The following KCNJ6 variants were observed in gnomAD, a reference collection of about 807,000 sequenced individuals.
The protein encoded by KCNJ6 is G protein-activated inward rectifier potassium channel 2.
Under a neutral mutation model 34.2 loss-of-function variants are expected in KCNJ6, and 9 were observed. The ratio of observed to expected loss-of-function variants is 0.26; its 90% CI spans 0.16 to 0.46. KCNJ6 has a LOEUF of 0.46. KCNJ6 is among the 20% of genes least tolerant of loss of function. The pLI is 1.00. For synonymous variants in KCNJ6, 196 were observed against 207.1 expected (o/e 0.95, Z 0.46); for missense variants, 236 against 531.3 (o/e 0.44, Z 5.46).
rs2054258056 is a variant in KCNJ6, at chr21:37,614,645, CACGT to C, written c.*10510_*10513del. On this transcript the variant is annotated 3_prime_UTR_variant, in exon 4 of 4. Transcript: ENST00000609713. ...GTATGCATATGTCTGTGTGTGTATGCACGTGTGTGTATGCATGTGTCTCTGTGTA... is the reference window on the plus strand; with the variant it reads ...GTATGCATATGTCTGTGTGTGTATGCGTGTGTATGCATGTGTCTCTGTGTA... 1 of 81,286 alleles carries C rather than the reference CACGT, an allele frequency of 1.2e-5. No individual in the cohort carries two copies. The highest frequency in any genetic ancestry group is 2.5e-5 in the Non-Finnish European group (1 of 40,000). The allele number at this position is 81,286 out of a possible 1,614,324, so 5.0% of individuals were successfully genotyped here. A position where few individuals can be genotyped will look rare whatever the true frequency, so the allele number is the denominator to read the frequency against.
intron 3 of KCNJ6, among the ~76,000 whole-genome samples, chr21:37,657,523 C>A (rs59210357): frequency 0.15 from 23,450 of 151,978 alleles, 2,894 homozygotes; most frequent in African/African-American, 0.34. Flanking sequence ...CCTGCTCTTC[C>A]TTAGTAGCAC....
intron 3 of KCNJ6, among the ~76,000 whole-genome samples, chr21:37,633,631 C>A (rs1158487287): frequency 1.3e-5 from 2 of 152,048 alleles, no homozygotes; most frequent in African/African-American, 2.4e-5. Flanking sequence ...ATTTAAAAAT[C>A]TATGCAGAAA....
At position 37,615,124 on chromosome 21, in the gene KCNJ6, G is replaced by A. The variant is rs2054261474; in HGVS notation, c.*10035C>T. 1 of 152,122 alleles carries A rather than the reference G, an allele frequency of 6.6e-6. No individual in the cohort carries two copies. The highest frequency in any genetic ancestry group is 2.1e-4 in the South Asian group (1 of 4,830). 9.4% of individuals were successfully genotyped at this position (152,122 alleles called of 1,614,324 possible). The stretch of plus-strand genomic sequence containing the variant: ...CCATGAGACACAGCAAGCTGACCAG[G>A]TAAACTATGGACCCTGGGATCTTGT... On this transcript the variant is annotated 3_prime_UTR_variant, in exon 4 of 4. Coordinates refer to ENST00000609713, the MANE Select transcript of KCNJ6 (RefSeq NM_002240.5).
At chr21:37,799,709 C>A (rs1469127765) in intron 2 of KCNJ6, among the ~76,000 whole-genome samples, 1 of 152,102 alleles carries the variant, frequency 6.6e-6, no homozygotes, top group Admixed American at 6.5e-5. Flanking sequence ...TTGAGGTTTC[C>A]AGAATGTCTG....
chr21:37,885,366 A>G (rs2055730174), intron 1 of KCNJ6, among the ~76,000 whole-genome samples: 1 of 152,110 alleles, frequency 6.6e-6, no homozygotes, highest in African/African-American at 2.4e-5. Context: ...GGTGGCCCCC[A>G]AGATCCTTGC....
At chr21:37,756,971 A>G (rs556136250) in intron 2 of KCNJ6, among the ~76,000 whole-genome samples, 8 of 3,074 alleles carry the variant, frequency 2.6e-3, no homozygotes, top group Admixed American at 0.021. Flanking sequence ...CCCTCACAGC[A>G]TGATGGTTCC....
chr21:37,747,049 G>T (rs748079019), intron 2 of KCNJ6, among the ~76,000 whole-genome samples: 2 of 152,232 alleles, frequency 1.3e-5, no homozygotes, highest in Non-Finnish European at 1.5e-5. Context: ...TGTGAGCCCT[G>T]CTGGAAGCTT....
At chr21:37,771,926 C>T (rs965961867) in intron 2 of KCNJ6, among the ~76,000 whole-genome samples, 6 of 152,104 alleles carry the variant, frequency 3.9e-5, no homozygotes, top group South Asian at 2.1e-4. Flanking sequence ...GTCCAAAAAA[C>T]GAACAGAATA....
chr21:37,908,187 T>C (rs745639615), intron 1 of KCNJ6, among the ~76,000 whole-genome samples: 1 of 152,198 alleles, frequency 6.6e-6, no homozygotes, highest in African/African-American at 2.4e-5. Flanking sequence ...GGATCACCAC[T>C]CTGTTTCTTC....
intron 1 of KCNJ6, among the ~76,000 whole-genome samples, chr21:37,906,313 G>A (rs2055841207): frequency 6.6e-6 from 1 of 152,176 alleles, no homozygotes; most frequent in Admixed American, 6.5e-5. Flanking sequence ...TGGGCATTCT[G>A]GCATTCCATT....
Position 37,804,630 on chromosome 21 carries a change from G to A in KCNJ6, c.25+36028C>T, listed in dbSNP as rs893609404. Among the ~76,000 whole-genome samples the A allele has an allele frequency of 2.6e-5, 4 of 152,048 alleles. No individual in the cohort carries two copies. The East Asian group carries it at 5.8e-4, about 22-fold the overall frequency. ...AGGTTGTTCCCCTCTGTGTGTCCAT[G>A]TATTATCATTTAGCTCCCCCTTATA... On this transcript the variant is annotated intron_variant, in intron 2 of 3. Coordinates refer to ENST00000609713, the MANE Select transcript of KCNJ6 (RefSeq NM_002240.5).
intron 2 of KCNJ6, among the ~76,000 whole-genome samples, chr21:37,779,933 T>C (rs1415139662): frequency 1.3e-5 from 2 of 152,192 alleles, no homozygotes; most frequent in African/African-American, 4.8e-5. Context: ...AACCAAGATG[T>C]GGAGACTTTC....
At chr21:37,853,846 G>GTGTGTATATATATATATATATATATA (rs71198897) in intron 1 of KCNJ6, among the ~76,000 whole-genome samples, 43 of 115,946 alleles carry the variant, frequency 3.7e-4, no homozygotes, top group South Asian at 7.7e-4. Context: ...ATATATATAT[G>GTGTGTATATATATATATATATATATA]TATATATATA....
At chr21:37,731,125 G>GTGTGTGTGTGTT (rs2054882760) in intron 2 of KCNJ6, among the ~76,000 whole-genome samples, 1 of 150,048 alleles carries the variant, frequency 6.7e-6, no homozygotes, top group Non-Finnish European at 1.5e-5. Flanking sequence ...GTGTGTGTGT[G>GTGTGTGTGTGTT]TGTTTGTGTG....
At chr21:37,811,040 C>T (rs922495356) in intron 2 of KCNJ6, among the ~76,000 whole-genome samples, 30 of 152,100 alleles carry the variant, frequency 2.0e-4, no homozygotes, top group African/African-American at 5.8e-4. Flanking sequence ...ATCCATCCTC[C>T]GGGAAGAGGA....
At chr21:37,678,074 A>G (rs554369735) in intron 3 of KCNJ6, among the ~76,000 whole-genome samples, 8 of 152,172 alleles carry the variant, frequency 5.3e-5, no homozygotes, top group Admixed American at 2.0e-4. Flanking sequence ...AGTGTTATGC[A>G]CAAAGGCCCT....
intron 2 of KCNJ6, among the ~76,000 whole-genome samples, chr21:37,753,822 G>C (rs2055009658): frequency 6.6e-6 from 1 of 151,994 alleles, no homozygotes; most frequent in South Asian, 2.1e-4. Context: ...TCAAGGCAGG[G>C]GGCAGGTCCC....
intron 3 of KCNJ6, among the ~76,000 whole-genome samples, chr21:37,703,187 T>C (rs2054700543): frequency 6.6e-6 from 1 of 152,148 alleles, no homozygotes; most frequent in South Asian, 2.1e-4. Context: ...ATAGAACTAT[T>C]AGGAAAAATT....
intron 2 of KCNJ6, among the ~76,000 whole-genome samples, chr21:37,726,644 T>C (rs1601440370): frequency 6.6e-6 from 1 of 152,250 alleles, no homozygotes; most frequent in East Asian, 1.9e-4. Context: ...CTCCAAAGTA[T>C]AAATTTTGAT....
Sources: gnomAD v4.1 joint callset for allele counts (sites outside exome capture counted in the v4.1 genomes callset) on GRCh38, gnomAD v4.1.1 for gene constraint, MANE v1.5 for transcripts, NCBI Gene and HGNC (gene_info 2026-07-23, HGNC 2026-07-21) for gene names.